The following NOSTRIN variants were observed in gnomAD, a reference collection of about 807,000 sequenced individuals.
The protein encoded by NOSTRIN is nitric oxide synthase trafficking.
NOSTRIN carries 63 observed loss-of-function variants against 59.0 expected under a neutral mutation model. That is an observed-to-expected ratio of 1.07 (90% CI 0.87 to 1.32). The LOEUF (loss-of-function observed/expected upper bound fraction) is 1.32. NOSTRIN is among the 40% of genes most tolerant of loss of function. The probability of loss-of-function intolerance (pLI) is 0.00; values close to 1 mark genes in which losing one functional copy is unlikely to be tolerated. For missense variants in NOSTRIN, 512 were observed against 473.1 expected, an observed-to-expected ratio of 1.08 and a Z score of -0.76; for synonymous variants, 200 against 165.4, an observed-to-expected ratio of 1.21 and a Z score of -1.61.
intron 1 of NOSTRIN, among the ~76,000 whole-genome samples, chr2:168,805,002 A>G (rs1201547451): frequency 6.6e-6 from 1 of 152,246 alleles, no homozygotes; most frequent in Non-Finnish European, 1.5e-5. Flanking sequence ...TAGTATGTTA[A>G]TAAAAAAGCA....
chr2:168,803,585 G>GA (rs1254880263), intron 1 of NOSTRIN, among the ~76,000 whole-genome samples: 1 of 152,006 alleles, frequency 6.6e-6, no homozygotes, highest in Non-Finnish European at 1.5e-5. Context: ...CACATGGTTG[G>GA]AAAAAATGGA....
Position 168,854,758 on chromosome 2 carries a change from G to T in NOSTRIN, c.856-594G>T, listed in dbSNP as rs1022344874. ...TACGTCTTCTTGCCTCCTCGAAGCT[G>T]TCAGCTGCCTGCACTCGTGGTGTCT... is the stretch of plus-strand genomic sequence containing the variant. On this transcript the variant is annotated intron_variant, in intron 10 of 15. Coordinates refer to ENST00000317647, the MANE Select transcript of NOSTRIN (RefSeq NM_001039724.4). Among the ~76,000 whole-genome samples the T allele has an allele frequency of 1.6e-4, 25 of 152,102 alleles. 1 individual carries two copies. Among genetic ancestry groups the T allele is most frequent in the Admixed American group, 1.6e-3 (25 of 15,266 alleles).
intron 13 of NOSTRIN, 87 bp from the exon 14 acceptor site, chr2:168,860,708 G>T: frequency 1.2e-6 from 1 of 827,488 alleles, no homozygotes; most frequent in Non-Finnish European, 1.9e-6. Context: ...AAAACAACTT[G>T]AGGAAAACAG....
At chr2:168,849,468 GC>G (rs1337967275) in intron 8 of NOSTRIN, among the ~76,000 whole-genome samples, 2 of 151,794 alleles carry the variant, frequency 1.3e-5, no homozygotes, top group Non-Finnish European at 2.9e-5. Context: ...CGATTCTCCT[GC>G]CTCAGCCTCC....
In NOSTRIN at chr2:168,825,831, A is replaced by G. The variant is rs574517559; in HGVS notation, c.197+1114A>G. Among the ~76,000 whole-genome samples, 192 of 152,348 alleles carry G rather than the reference A, an allele frequency of 1.3e-3. 1 individual carries two copies. The highest frequency in any genetic ancestry group is 4.3e-3 in the African/African-American group (179 of 41,586). On this transcript the variant is annotated intron_variant, in intron 3 of 15. Coordinates refer to ENST00000317647, the MANE Select transcript of NOSTRIN (RefSeq NM_001039724.4). ...GAGATAAGAAGGGGAAAGGAAAAAA[A>G]GAAGGCTTCTGGAGCTCAAATTTCC...
rs1397201774 is a variant in NOSTRIN at position 168,834,331 on chromosome 2, C to G, written c.504+6C>G. 4 of 872,140 alleles carry G rather than the reference C, an allele frequency of 4.6e-6. No individual in the cohort carries two copies. The African/African-American group carries it at 6.5e-5, about 14-fold the overall frequency. The allele number at this position is 872,140 out of a possible 1,614,324, so 54.0% of individuals were successfully genotyped here. A position where few individuals can be genotyped will look rare whatever the true frequency, so the allele number is the denominator to read the frequency against. ...CTGAGAAGGAGAAGCGGAAGGTAAG[C>G]TGTCATGGCTGGCTGGGCGCATGTG... On this transcript the variant is annotated splice_donor_region_variant and intron_variant, in intron 7 of 15. Coordinates refer to ENST00000317647, the MANE Select transcript of NOSTRIN (RefSeq NM_001039724.4).
intron 7 of NOSTRIN, among the ~76,000 whole-genome samples, chr2:168,838,835 T>TGGAGTGCAATGGTGCAATCTGGGC (rs1286929055): frequency 6.7e-6 from 1 of 149,526 alleles, no homozygotes; most frequent in Non-Finnish European, 1.5e-5. Context: ...TTGCCCAGGC[T>TGGAGTGCAATGGTGCAATCTGGGC]GGAGTGCAAT....
chr2:168,856,305 T>C, intron 11 of NOSTRIN: 1 of 243,396 alleles, frequency 4.1e-6, no homozygotes, highest in Non-Finnish European at 8.1e-6. Context: ...GGCTGGGTGC[T>C]GTGGCTCACG....
intron 2 of NOSTRIN, among the ~76,000 whole-genome samples, chr2:168,813,363 G>A (rs1307822663): frequency 1.3e-5 from 2 of 152,172 alleles, no homozygotes; most frequent in Non-Finnish European, 2.9e-5. Context: ...ACAGGCAATA[G>A]ATGATGCCTG....
At chr2:168,849,561 G>T (rs1454827469) in intron 8 of NOSTRIN, among the ~76,000 whole-genome samples, 1 of 151,416 alleles carries the variant, frequency 6.6e-6, no homozygotes, top group African/African-American at 2.4e-5. Flanking sequence ...TTGCCACGTT[G>T]GGCAGGCTGG....
intron 8 of NOSTRIN, among the ~76,000 whole-genome samples, chr2:168,848,431 C>A (rs563514876): frequency 6.6e-6 from 1 of 152,234 alleles, no homozygotes; most frequent in African/African-American, 2.4e-5. Flanking sequence ...TGGCTCCAGG[C>A]TTCCAATCCA....
At chr2:168,823,237 C>T (rs1055062723) in intron 2 of NOSTRIN, among the ~76,000 whole-genome samples, 19 of 152,080 alleles carry the variant, frequency 1.2e-4, no homozygotes, top group Middle Eastern at 3.4e-3. Flanking sequence ...AGGATGGTCT[C>T]GATCTCCTGA....
At chr2:168,810,984 A>C (rs569024258) in intron 1 of NOSTRIN, among the ~76,000 whole-genome samples, 1 of 152,342 alleles carries the variant, frequency 6.6e-6, no homozygotes, top group East Asian at 1.9e-4. Flanking sequence ...ATAAAGGGTA[A>C]TTAATAAATT....
At chr2:168,813,296 T>G (rs1686243446) in intron 2 of NOSTRIN, among the ~76,000 whole-genome samples, 1 of 152,174 alleles carries the variant, frequency 6.6e-6, no homozygotes. Context: ...GGGCATTAAT[T>G]ATTTGGTGTC....
intron 7 of NOSTRIN, among the ~76,000 whole-genome samples, chr2:168,841,235 C>CAAAAA (rs57480764): frequency 6.9e-4 from 73 of 106,526 alleles, no homozygotes; most frequent in Non-Finnish European, 9.8e-4. Flanking sequence ...ACCCTGTCTC[C>CAAAAA]AAAAAAAAAA....
intron 15 of NOSTRIN, among the ~76,000 whole-genome samples, chr2:168,864,410 T>C (rs1378773187): frequency 3.9e-5 from 6 of 151,990 alleles, no homozygotes; most frequent in African/African-American, 1.4e-4. Context: ...CTCAGCCTCC[T>C]GAGTAGCTGG....
At chr2:168,792,663 A>G (rs530238846) in intron 2 of NOSTRIN, among the ~76,000 whole-genome samples, 1 of 152,090 alleles carries the variant, frequency 6.6e-6, no homozygotes, top group Admixed American at 6.6e-5. Flanking sequence ...TATTTTTAGT[A>G]GAGACACAGT....
chr2:168,838,609 A>T (rs1291924289), intron 7 of NOSTRIN, among the ~76,000 whole-genome samples: 1 of 151,920 alleles, frequency 6.6e-6, no homozygotes, highest in Non-Finnish European at 1.5e-5. Flanking sequence ...GGCCGCAATC[A>T]TCTTTTGCTT....
chr2:168,810,625 G>C (rs1301177979), intron 1 of NOSTRIN, among the ~76,000 whole-genome samples: 1 of 152,156 alleles, frequency 6.6e-6, no homozygotes, highest in Non-Finnish European at 1.5e-5. Context: ...GGAATAGGCT[G>C]GCTCATTGTA....
Sources: allele counts gnomAD v4.1 joint callset (sites outside exome capture counted in the v4.1 genomes callset), GRCh38; gene constraint gnomAD v4.1.1; transcripts MANE v1.5; gene names NCBI Gene and HGNC (gene_info 2026-07-23, HGNC 2026-07-21).